The following GPCPD1 variants were observed in gnomAD, a reference collection of about 807,000 sequenced individuals.
GPCPD1 encodes the protein glycerophosphocholine phosphodiesterase 1, also known as glycerophosphocholine phosphodiesterase GPCPD1.
A neutral mutation model predicts 89.2 loss-of-function variants in GPCPD1; 29 were observed. The ratio of observed to expected loss-of-function variants is 0.33; its 90% CI spans 0.24 to 0.44. The LOEUF (loss-of-function observed/expected upper bound fraction) is 0.44. Ranked by LOEUF, GPCPD1 falls within the 20% of genes least tolerant of loss-of-function variation. The pLI, the probability that GPCPD1 is intolerant of heterozygous loss-of-function variation, is 1.00. For missense variants in GPCPD1, 594 were observed against 808.9 expected (o/e 0.73, Z 3.22); for synonymous variants, 258 against 266.3 (o/e 0.97, Z 0.30).
chr20:5,596,031 C>G (rs1389651566), intron 3 of GPCPD1, among the ~76,000 whole-genome samples: 1 of 152,038 alleles, frequency 6.6e-6, no homozygotes, highest in African/African-American at 2.4e-5. Context: ...GGTAAAGAAC[C>G]ACTAAATGAA....
intron 19 of GPCPD1, among the ~76,000 whole-genome samples, chr20:5,554,424 C>G (rs960314852): frequency 1.3e-5 from 2 of 152,154 alleles, no homozygotes; most frequent in African/African-American, 4.8e-5. Context: ...GCTAATACAA[C>G]TGATGATGAG....
chr20:5,558,603 G>GTA, intron 18 of GPCPD1, 81 bp downstream of exon 18: 1 of 819,776 alleles, frequency 1.2e-6, no homozygotes, highest in Non-Finnish European at 1.9e-6. Flanking sequence ...CATTAGATGG[G>GTA]TAAAGTAATA....
intron 9 of GPCPD1, 36 bp downstream of exon 9, chr20:5,575,780 T>G: frequency 7.1e-7 from 1 of 1,405,758 alleles, no homozygotes; most frequent in Non-Finnish European, 9.9e-7. Flanking sequence ...AATTCTAACT[T>G]AACCTTGGGT....
At chr20:5,608,816 C>A (rs1365546332) in intron 1 of GPCPD1, among the ~76,000 whole-genome samples, 2 of 152,188 alleles carry the variant, frequency 1.3e-5, no homozygotes, top group African/African-American at 4.8e-5. Flanking sequence ...AACGTAACAT[C>A]TATTCTGTAC....
intron 1 of GPCPD1, among the ~76,000 whole-genome samples, chr20:5,606,920 A>C (rs920961735): frequency 2.0e-5 from 3 of 152,342 alleles, no homozygotes; most frequent in African/African-American, 7.2e-5. Context: ...CAGTCATGTC[A>C]CATTTGGATA....
At chr20:5,590,247 C>G (rs1979228618) in intron 4 of GPCPD1, among the ~76,000 whole-genome samples, 1 of 151,992 alleles carries the variant, frequency 6.6e-6, no homozygotes, top group Non-Finnish European at 1.5e-5. Flanking sequence ...AAAAGGGGGT[C>G]TGAGGAATCA....
At chr20:5,586,474 TAAAC>T (rs1405270716) in intron 4 of GPCPD1, among the ~76,000 whole-genome samples, 1 of 152,096 alleles carries the variant, frequency 6.6e-6, no homozygotes, top group African/African-American at 2.4e-5. Flanking sequence ...AGTGAGGCAG[TAAAC>T]AAAGAAAAAT....
At chr20:5,591,263 C>T (rs1288402122) in intron 4 of GPCPD1, among the ~76,000 whole-genome samples, 2 of 152,092 alleles carry the variant, frequency 1.3e-5, no homozygotes, top group Non-Finnish European at 2.9e-5. Context: ...CTGAGAAAAA[C>T]GATTTCAGGA....
intron 15 of GPCPD1, among the ~76,000 whole-genome samples, chr20:5,564,413 C>G (rs1986259129): frequency 1.3e-5 from 2 of 151,712 alleles, no homozygotes; most frequent in South Asian, 4.2e-4. Flanking sequence ...CATTTATAAA[C>G]AGAAATATAT....
chr20:5,598,823 T>TAAAGAAACAGAACAATCAGTCAC lies in GPCPD1; in HGVS notation c.50-25_50-3dup. The TAAAGAAACAGAACAATCAGTCAC allele has an allele frequency of 6.3e-7, 1 of 1,582,290 alleles. No homozygotes were observed. The highest frequency in any genetic ancestry group is 8.7e-7 in the Non-Finnish European group (1 of 1,151,316). On this transcript the variant is annotated splice_region_variant and splice_polypyrimidine_tract_variant and intron_variant, in intron 2 of 19. Coordinates refer to ENST00000379019, the MANE Select transcript of GPCPD1 (RefSeq NM_019593.5). ...TTCCACATATCGCAAAAACTTCTCC[T>TAAAGAAACAGAACAATCAGTCAC]AAAGAAACAGAACAATCAGTCACAG... is the stretch of plus-strand genomic sequence containing the variant.
chr20:5,570,126 A>G, intron 12 of GPCPD1, 21 bp downstream of exon 12: 1 of 1,131,614 alleles, frequency 8.8e-7, no homozygotes, highest in Non-Finnish European at 1.3e-6. Flanking sequence ...AAGAGTTTGA[A>G]ATGAAGAAAT....
intron 4 of GPCPD1, among the ~76,000 whole-genome samples, chr20:5,592,451 A>G (rs1056363056): frequency 6.6e-6 from 1 of 152,238 alleles, no homozygotes; most frequent in Admixed American, 6.5e-5. Context: ...AAAGACAGCT[A>G]AAGTGGGTTT....
rs199503624 is a variant in GPCPD1, at chr20:5,584,316, T to G, written c.314A>C (p.Glu105Ala). 5 of 1,402,400 alleles carry G rather than the reference T, an allele frequency of 3.6e-6. No individual in the cohort carries two copies. The African/African-American group carries it at 5.7e-5, about 16-fold the overall frequency. 86.9% of individuals were successfully genotyped at this position (1,402,400 alleles called of 1,614,324 possible). A position where few individuals can be genotyped will look rare whatever the true frequency, so the allele number is the denominator to read the frequency against. The change falls in exon 6 of 20, where the codon GAA (glutamate) becomes GCA (alanine). Residue 105 changes from glutamate (E) to alanine (A), a missense_variant. Transcript: ENST00000379019. ...QPRSITPLES[E>A]IIIDDGQFGI... ...AAATTGTCCATCGTCAATAATAATT[T>G]CGCTTTCTAGAATTTAAGGAAAATA...
Position 5,575,895 on chromosome 20 carries a change from A to G in GPCPD1, c.789T>C (p.Ala263=). The change falls in exon 9 of 20, where the codon GCT becomes GCC. Residue 263 remains alanine (A), a synonymous_variant. Transcript: ENST00000379019. ...GTACLLSSTI[A]ESGKSAGILT... ...GAATTCCAGCACTCTTTCCACTCTC[A>G]GCAATGGTGGATGATAAGAGACAAG... 8 of 1,604,572 alleles carry G rather than the reference A, an allele frequency of 5.0e-6. 1 individual carries two copies. The highest frequency in any genetic ancestry group is 4.4e-5 in the South Asian group (4 of 90,876).
chr20:5,587,494 A>T (rs1258486195), intron 4 of GPCPD1, among the ~76,000 whole-genome samples: 1 of 151,814 alleles, frequency 6.6e-6, no homozygotes, highest in Non-Finnish European at 1.5e-5. Context: ...CGGCCTCCTG[A>T]GTAGCTGGAA....
intron 12 of GPCPD1, 100 bp downstream of exon 12, chr20:5,570,047 C>T: frequency 1.8e-6 from 1 of 553,486 alleles, no homozygotes; most frequent in Non-Finnish European, 3.2e-6. Flanking sequence ...ATGAATTAAC[C>T]AATTCTATTT....
At chr20:5,580,936 C>A (rs530643360) in intron 6 of GPCPD1, among the ~76,000 whole-genome samples, 1 of 150,710 alleles carries the variant, frequency 6.6e-6, no homozygotes, top group African/African-American at 2.4e-5. Flanking sequence ...TGCAGTGGCA[C>A]GATCTCAACT....
chr20:5,593,679 G>A (rs553751651), intron 3 of GPCPD1, among the ~76,000 whole-genome samples: 17 of 152,338 alleles, frequency 1.1e-4, no homozygotes, highest in Admixed American at 8.5e-4. Context: ...AGTTCTGGAG[G>A]AGGCTTTTAA....
At chr20:5,552,063 CAG>C (rs1985445406) in intron 19 of GPCPD1, among the ~76,000 whole-genome samples, 1 of 152,116 alleles carries the variant, frequency 6.6e-6, no homozygotes, top group South Asian at 2.1e-4. Flanking sequence ...CGGTCTCAGC[CAG>C]AGACAATGGA....
Sources: allele counts gnomAD v4.1 joint callset (sites outside exome capture counted in the v4.1 genomes callset), GRCh38; gene constraint gnomAD v4.1.1; transcripts MANE v1.5; gene names NCBI Gene and HGNC (gene_info 2026-07-23, HGNC 2026-07-21).